Variants in SOX12 observed in about 807,000 individuals in gnomAD.
The protein encoded by SOX12 is SRY-box transcription factor 12, also known as transcription factor SOX-12.
A neutral mutation model predicts 21.5 loss-of-function variants in SOX12; 8 were observed. The ratio of observed to expected loss-of-function variants is 0.37; its 90% CI spans 0.22 to 0.67. The LOEUF is 0.67. SOX12 is among the 30% of genes least tolerant of loss of function. SOX12 has a pLI of 0.56. For missense variants in SOX12, 400 were observed against 482.6 expected, an observed-to-expected ratio of 0.83 and a Z score of 1.60; for synonymous variants, 235 against 224.2, an observed-to-expected ratio of 1.05 and a Z score of -0.43.
chr20:327,266 C>T lies in SOX12; in HGVS notation c.*394C>T. On this transcript the variant is annotated 3_prime_UTR_variant, in exon 1 of 1. Coordinates refer to ENST00000342665, the MANE Select transcript of SOX12 (RefSeq NM_006943.4). ...TCTCCTCCCTCGCCCGGCCCGCCTT[C>T]TCTGGGTTAGGGGGGCGATGCGGCC... 4 of 235,534 alleles carry T rather than the reference C, an allele frequency of 1.7e-5. No homozygotes were observed. In the South Asian group the frequency reaches 2.1e-4, roughly 13 times the overall value. 14.6% of individuals were successfully genotyped at this position (235,534 alleles called of 1,614,324 possible).
rs2013146297 is a variant in SOX12, at chr20:328,603, ACTGT to A, written c.*1736_*1739del. The A allele has an allele frequency of 6.2e-6, 1 of 161,574 alleles. No individual in the cohort carries two copies. The highest frequency in any genetic ancestry group is 6.8e-5 in the Admixed American group (1 of 14,740). 10.0% of individuals were successfully genotyped at this position (161,574 alleles called of 1,614,324 possible). A position where few individuals can be genotyped will look rare whatever the true frequency, so the allele number is the denominator to read the frequency against. On this transcript the variant is annotated 3_prime_UTR_variant, in exon 1 of 1. Transcript: ENST00000342665. The stretch of plus-strand genomic sequence containing the variant: ...AACGTCATGTGAGTGAAGAGATGTC[ACTGT>A]CTGTGGTCTTGGAGAACTAGTCTCG...
Position 327,087 on chromosome 20 carries a change from C to T in SOX12, c.*215C>T, listed in dbSNP as rs542568611. On this transcript the variant is annotated 3_prime_UTR_variant, in exon 1 of 1. Transcript: ENST00000342665. ...CCCCACCCCTTCCCCGACACCCAAG[C>T]CCCTCCCCACGTCGCCCCCTCCTGC... The T allele has an allele frequency of 2.5e-3, 1,483 of 598,672 alleles. 27 individuals carry two copies. The African/African-American group carries it at 0.026, about 11-fold the overall frequency. 37.1% of individuals were successfully genotyped at this position (598,672 alleles called of 1,614,324 possible).
In SOX12 at chr20:326,713, C is replaced by T. The variant is rs1187791895; in HGVS notation, c.789C>T (p.Ala263=). The T allele has an allele frequency of 6.9e-6, 11 of 1,601,836 alleles. No homozygotes were observed. The highest frequency in any genetic ancestry group is 7.7e-6 in the Non-Finnish European group (9 of 1,174,776). The change falls in exon 1 of 1, where the codon GCC becomes GCT. Residue 263 remains alanine, a synonymous_variant. Transcript: ENST00000342665. The surrounding 1 kb of genome is among the most constrained non-coding windows in gnomAD (Gnocchi z 9.9). The part of the protein sequence containing the change: ...GFLSRLPPGP[A]GLDCSALDRD... The stretch of plus-strand genomic sequence containing the variant: ...TGTCCAGGCTGCCCCCTGGCCCGGC[C>T]GGCCTGGACTGCAGCGCCCTGGATC...
In SOX12 at chr20:326,126, G is replaced by T. The variant is rs1428985618; in HGVS notation, c.202G>T (p.Ala68Ser). ...GGACCAGTGGCCCGACATGCACAAC[G>T]CCGAGATCTCCAAGCGCCTGGGCCG... Reference protein sequence around the residue: ...IMDQWPDMHNAEISKRLGRRW... With the variant: ...IMDQWPDMHNSEISKRLGRRW... Residue 68 changes from alanine to serine, a missense_variant, in exon 1 of 1, where the codon GCC becomes TCC. This residue lies in a region of SOX12 where 92 missense variants were observed against 162.0 expected (regional missense o/e 0.57). Coordinates refer to ENST00000342665, the MANE Select transcript of SOX12 (RefSeq NM_006943.4). This position sits in a 1 kb window ranked among gnomAD's most constrained non-coding sequence, Gnocchi z 9.9. The T allele has an allele frequency of 6.2e-7, 1 of 1,602,640 alleles. No homozygotes were observed. The highest frequency in any genetic ancestry group is 1.7e-5 in the Admixed American group (1 of 58,500).
At position 327,720 on chromosome 20, in the gene SOX12, C is replaced by T. The variant is rs542369081; in HGVS notation, c.*848C>T. 23 of 167,154 alleles carry T rather than the reference C, an allele frequency of 1.4e-4. No homozygotes were observed. The highest frequency in any genetic ancestry group is 1.4e-3 in the Admixed American group (21 of 15,294). The allele number at this position is 167,154 out of a possible 1,614,324, so 10.4% of individuals were successfully genotyped here. On this transcript the variant is annotated 3_prime_UTR_variant, in exon 1 of 1. Transcript: ENST00000342665. ...CCTACCTATACGTCCCTTTTTCCCC[C>T]CAACTGGGAATTGAGAGGTAAGGTC...
At position 326,273 on chromosome 20, in the gene SOX12, G is replaced by A. The variant is rs1008567981; in HGVS notation, c.349G>A (p.Gly117Arg). The change falls in exon 1 of 1, where the codon GGG becomes AGG. Residue 117 changes from glycine (G) to arginine (R), a missense_variant. Physicochemically the swap from Gly to Arg is moderately radical, Grantham distance 125. Coordinates refer to ENST00000342665, the MANE Select transcript of SOX12 (RefSeq NM_006943.4). This position sits in a 1 kb window ranked among gnomAD's most constrained non-coding sequence, Gnocchi z 9.9. Reference sequence around the variant, plus strand: ...GTACCGGCCGCGCAAAAAGAGCAAGGGGGCGCCCGCCAAGGCGCGGCCCCG... The same window carrying A: ...GTACCGGCCGCGCAAAAAGAGCAAGAGGGCGCCCGCCAAGGCGCGGCCCCG... ...YKYRPRKKSK[G>R]APAKARPRPP... 6.7e-7 allele frequency: 1 copy of A among 1,486,994 alleles called. No homozygotes were observed. Among genetic ancestry groups the A allele is most frequent in the Non-Finnish European group, 9.0e-7 (1 of 1,116,222 alleles). 92.1% of individuals were successfully genotyped at this position (1,486,994 alleles called of 1,614,324 possible).
In SOX12 at chr20:326,049, G is replaced by A; in HGVS notation, c.125G>A (p.Arg42Lys). 1 of 1,596,962 alleles carries A rather than the reference G, an allele frequency of 6.3e-7. No individual in the cohort carries two copies. Among genetic ancestry groups the A allele is most frequent in the Non-Finnish European group, 8.5e-7 (1 of 1,172,804 alleles). ...AAGACCCCGAGCGGCCACATCAAGA[G>A]GCCGATGAACGCATTCATGGTGTGG... is the stretch of plus-strand genomic sequence containing the variant. ...WCKTPSGHIK[R>K]PMNAFMVWSQ... The change falls in exon 1 of 1, where the codon AGG (arginine) becomes AAG (lysine). Residue 42 changes from arginine to lysine, a missense_variant. By Grantham distance (26) the Arg-to-Lys change is conservative. Coordinates refer to ENST00000342665, the MANE Select transcript of SOX12 (RefSeq NM_006943.4). This position sits in a 1 kb window ranked among gnomAD's most constrained non-coding sequence, Gnocchi z 9.9.
chr20:330,032 C>T lies in SOX12; in HGVS notation c.*3160C>T, dbSNP rs1427467594. 6.0e-6 allele frequency: 1 copy of T among 167,130 alleles called. No individual in the cohort carries two copies. The highest frequency in any genetic ancestry group is 1.5e-5 in the Non-Finnish European group (1 of 68,156). The allele number at this position is 167,130 out of a possible 1,614,324, so 10.4% of individuals were successfully genotyped here. A position where few individuals can be genotyped will look rare whatever the true frequency, so the allele number is the denominator to read the frequency against. On this transcript the variant is annotated 3_prime_UTR_variant, in exon 1 of 1. Transcript: ENST00000342665. ...GCCTGTATCTGGTGTCTGAGTGAGGCATGGTATAAACACCTGGTCATTTCA... is the reference window on the plus strand; with the variant it reads ...GCCTGTATCTGGTGTCTGAGTGAGGTATGGTATAAACACCTGGTCATTTCA...
Position 326,983 on chromosome 20 carries a change from GC to G in SOX12, c.*116del. On this transcript the variant is annotated 3_prime_UTR_variant, in exon 1 of 1. Coordinates refer to ENST00000342665, the MANE Select transcript of SOX12 (RefSeq NM_006943.4). The surrounding 1 kb of genome is among the most constrained non-coding windows in gnomAD (Gnocchi z 9.9). ...TGGCACCCCATCTCCCGCGCAGCCT[GC>G]CCCCTCCTGGACGTGCCCATCCCCC... 1 of 1,008,660 alleles carries G rather than the reference GC, an allele frequency of 9.9e-7. No homozygotes were observed. Among genetic ancestry groups the G allele is most frequent in the Non-Finnish European group, 1.6e-6 (1 of 638,136 alleles). The allele number at this position is 1,008,660 out of a possible 1,614,324, so 62.5% of individuals were successfully genotyped here.
chr20:326,655 C>T lies in SOX12; in HGVS notation c.731C>T (p.Thr244Met), dbSNP rs983816506. Residue 244 changes from threonine to methionine, a missense_variant, in exon 1 of 1, where the codon ACG (threonine) becomes ATG (methionine). By Grantham distance (81) the Thr-to-Met change is moderately conservative. Transcript: ENST00000342665. This position sits in a 1 kb window ranked among gnomAD's most constrained non-coding sequence, Gnocchi z 9.9. ...GCGGCTGAGGAAGGTGAAGAGGAGA[C>T]GGTGGCGTCGGGGGAGGAGTCGCTG... ...AAAAEEGEEE[T>M]VASGEESLGF... 1.9e-6 allele frequency: 3 copies of T among 1,551,834 alleles called. No individual in the cohort carries two copies. In the East Asian group the frequency reaches 7.3e-5, roughly 38 times the overall value.
Position 326,082 on chromosome 20 carries a change from A to G in SOX12, c.158A>G (p.His53Arg). The change falls in exon 1 of 1, where the codon CAC (histidine) becomes CGC (arginine). Residue 53 changes from histidine to arginine, a missense_variant. His to Arg is a conservative substitution (Grantham distance 29). Coordinates refer to ENST00000342665, the MANE Select transcript of SOX12 (RefSeq NM_006943.4). This position sits in a 1 kb window ranked among gnomAD's most constrained non-coding sequence, Gnocchi z 9.9. ...AACGCATTCATGGTGTGGTCGCAGC[A>G]CGAACGGCGGAAGATCATGGACCAG... ...PMNAFMVWSQ[H>R]ERRKIMDQWP... 6.2e-7 allele frequency: 1 copy of G among 1,602,458 alleles called. No homozygotes were observed. The highest frequency in any genetic ancestry group is 8.5e-7 in the Non-Finnish European group (1 of 1,175,042).
chr20:325,844 C>T lies in SOX12; in HGVS notation c.-81C>T. ...GCGGGGCGGGGCCGCCCCTCCGTCG[C>T]CGCTGCCTCCTCCCCCACCCCCAGC... On this transcript the variant is annotated 5_prime_UTR_variant, in exon 1 of 1. Coordinates refer to ENST00000342665, the MANE Select transcript of SOX12 (RefSeq NM_006943.4). The surrounding 1 kb of genome is among the most constrained non-coding windows in gnomAD (Gnocchi z 5.0). 1.2e-6 allele frequency: 1 copy of T among 822,220 alleles called. No homozygotes were observed. The highest frequency in any genetic ancestry group is 5.6e-5 in the South Asian group (1 of 17,926). 50.9% of individuals were successfully genotyped at this position (822,220 alleles called of 1,614,324 possible).
chr20:328,569 G>GA lies in SOX12; in HGVS notation c.*1707dup, dbSNP rs1242171724. 1.7e-3 allele frequency: 240 copies of GA among 140,334 alleles called. No homozygotes were observed. The highest frequency in any genetic ancestry group is 6.1e-4 in the African/African-American group (22 of 36,214). The allele number at this position is 140,334 out of a possible 1,614,324, so 8.7% of individuals were successfully genotyped here. A position where few individuals can be genotyped will look rare whatever the true frequency, so the allele number is the denominator to read the frequency against. ...AACAACAACAACAAAAAAAGACAAT[G>GA]AAAAAAAAAACGTCATGTGAGTGAA... On this transcript the variant is annotated 3_prime_UTR_variant, in exon 1 of 1. Transcript: ENST00000342665.
rs1367883122 is a variant in SOX12 at position 329,736 on chromosome 20, A to G, written c.*2864A>G. On this transcript the variant is annotated 3_prime_UTR_variant, in exon 1 of 1. Transcript: ENST00000342665. ...CCCCTAATTCTCATCTGTCAGATCC[A>G]GTGTATTCCTAAGCTGGGACAAAGC... 1 of 167,142 alleles carries G rather than the reference A, an allele frequency of 6.0e-6. No homozygotes were observed. Among genetic ancestry groups the G allele is most frequent in the Middle Eastern group, 3.1e-3 (1 of 318 alleles). The allele number at this position is 167,142 out of a possible 1,614,324, so 10.4% of individuals were successfully genotyped here.
chr20:326,336 C>A lies in SOX12; in HGVS notation c.412C>A (p.Pro138Thr). 7.6e-7 allele frequency: 1 copy of A among 1,322,430 alleles called. No individual in the cohort carries two copies. Among genetic ancestry groups the A allele is most frequent in the South Asian group, 2.3e-5 (1 of 43,120 alleles). 81.9% of individuals were successfully genotyped at this position (1,322,430 alleles called of 1,614,324 possible). The change falls in exon 1 of 1, where the codon CCC becomes ACC. Residue 138 changes from proline to threonine, a missense_variant. Coordinates refer to ENST00000342665, the MANE Select transcript of SOX12 (RefSeq NM_006943.4). This position sits in a 1 kb window ranked among gnomAD's most constrained non-coding sequence, Gnocchi z 9.9. ...TAGCGGTGGCGGCAGCCGGCTCAAG[C>A]CCGGGCCGCAGCTGCCTGGCCGCGG... ...GGSGGGSRLKPGPQLPGRGGR... is the reference protein window; with the variant it reads ...GGSGGGSRLKTGPQLPGRGGR...
At position 326,428 on chromosome 20, in the gene SOX12, C is replaced by T. The variant is rs1303797723; in HGVS notation, c.504C>T (p.Asp168=). Reference sequence around the variant, plus strand: ...CGGCGCCCGAGGACGACGATGAAGACGACGACGAGGAGCTGCTGGAAGTGC... The same window carrying T: ...CGGCGCCCGAGGACGACGATGAAGATGACGACGAGGAGCTGCTGGAAGTGC... ...GAAAPEDDDE[D]DDEELLEVRL... Residue 168 remains aspartate (D), a synonymous_variant, in exon 1 of 1, where the codon GAC becomes GAT. Transcript: ENST00000342665. This position sits in a 1 kb window ranked among gnomAD's most constrained non-coding sequence, Gnocchi z 9.9. 2 of 1,357,860 alleles carry T rather than the reference C, an allele frequency of 1.5e-6. No homozygotes were observed. Among genetic ancestry groups the T allele is most frequent in the African/African-American group, 1.5e-5 (1 of 64,830 alleles). The allele number at this position is 1,357,860 out of a possible 1,614,324, so 84.1% of individuals were successfully genotyped here.
At position 325,698 on chromosome 20, in the gene SOX12, G is replaced by A. The variant is rs2013074179; in HGVS notation, c.-227G>A. The A allele has an allele frequency of 6.4e-6, 1 of 156,550 alleles. No individual in the cohort carries two copies. 9.7% of individuals were successfully genotyped at this position (156,550 alleles called of 1,614,324 possible). On this transcript the variant is annotated 5_prime_UTR_variant, in exon 1 of 1. Transcript: ENST00000342665. The surrounding 1 kb of genome is among the most constrained non-coding windows in gnomAD (Gnocchi z 5.0). ...TGTGTTGTGAGCCAGGACGCAACTT[G>A]CCGGAGGCGGCGGGGGCGCGCCGAG...
Position 326,154 on chromosome 20 carries a change from G to T in SOX12, c.230G>T (p.Arg77Leu). 6.2e-7 allele frequency: 1 copy of T among 1,600,058 alleles called. No individual in the cohort carries two copies. The highest frequency in any genetic ancestry group is 8.5e-7 in the Non-Finnish European group (1 of 1,173,790). ...NAEISKRLGR[R>L]WQLLQDSEKI... ...GAGATCTCCAAGCGCCTGGGCCGCC[G>T]CTGGCAGCTGCTGCAGGACTCGGAG... The change falls in exon 1 of 1, where the codon CGC becomes CTC. Residue 77 changes from arginine to leucine, a missense_variant. By Grantham distance (102) the Arg-to-Leu change is moderately radical. This residue lies in a region of SOX12 where 92 missense variants were observed against 162.0 expected (regional missense o/e 0.57). Coordinates refer to ENST00000342665, the MANE Select transcript of SOX12 (RefSeq NM_006943.4). This position sits in a 1 kb window ranked among gnomAD's most constrained non-coding sequence, Gnocchi z 9.9.
At position 326,706 on chromosome 20, in the gene SOX12, G is replaced by A. The variant is rs774631945; in HGVS notation, c.782G>A (p.Gly261Asp). 10 of 1,595,874 alleles carry A rather than the reference G, an allele frequency of 6.3e-6. 1 individual carries two copies. The highest frequency in any genetic ancestry group is 1.3e-5 in the African/African-American group (1 of 74,574). ...SLGFLSRLPPGPAGLDCSALD... is the reference protein window; with the variant it reads ...SLGFLSRLPPDPAGLDCSALD... ...GGCTTTCTGTCCAGGCTGCCCCCTGGCCCGGCCGGCCTGGACTGCAGCGCC... is the reference window on the plus strand; with the variant it reads ...GGCTTTCTGTCCAGGCTGCCCCCTGACCCGGCCGGCCTGGACTGCAGCGCC... Residue 261 changes from glycine to aspartate, a missense_variant, in exon 1 of 1, where the codon GGC (glycine) becomes GAC (aspartate). Gly to Asp is a moderately conservative substitution (Grantham distance 94, BLOSUM62 -1). This residue lies in a region of SOX12 where 235 missense variants were observed against 219.3 expected (regional missense o/e 1.07). Transcript: ENST00000342665. The surrounding 1 kb of genome is among the most constrained non-coding windows in gnomAD (Gnocchi z 9.9).
Sources: gnomAD v4.1 joint callset for allele counts on GRCh38, gnomAD v4.1.1 for gene constraint, gnomAD v4.1.1 regional missense constraint, Gnocchi (gnomAD v3.1) non-coding constraint, MANE v1.5 for transcripts, NCBI Gene and HGNC (gene_info 2026-07-23, HGNC 2026-07-21) for gene names.